MOCOS: variants seen among roughly 807,000 people sequenced by gnomAD.
The protein encoded by MOCOS is molybdenum cofactor sulfurase.
In MOCOS, 86 loss-of-function variants were observed where a neutral mutation model predicts 83.6. That is an observed-to-expected ratio of 1.03 (90% CI 0.86 to 1.23). The LOEUF (loss-of-function observed/expected upper bound fraction) is 1.23, where lower values mean the gene tolerates loss of function less well. Among genes scored for constraint, MOCOS ranks in the 50% most tolerant of loss-of-function variants. MOCOS has a pLI of 0.00. For missense variants in MOCOS, 1,120 were observed against 1,126.9 expected, an observed-to-expected ratio of 0.99 and a Z score of 0.09; for synonymous variants, 445 against 434.7, an observed-to-expected ratio of 1.02 and a Z score of -0.29.
Position 36,268,806 on chromosome 18 carries a change from G to GTGAGAGCATTCCCT in MOCOS, c.*121_*122insTGAGAGCATTCCCT. 1 of 868,872 alleles carries GTGAGAGCATTCCCT rather than the reference G, an allele frequency of 1.2e-6. No homozygotes were observed. The highest frequency in any genetic ancestry group is 1.8e-6 in the Non-Finnish European group (1 of 548,476). 53.8% of individuals were successfully genotyped at this position (868,872 alleles called of 1,614,324 possible). A position where few individuals can be genotyped will look rare whatever the true frequency, so the allele number is the denominator to read the frequency against. ...GAGAGCTCTTTTTCTTTAGAGGCAG[G>GTGAGAGCATTCCCT]GAATGCTCTCACCTGCTTCCTTCTG... On this transcript the variant is annotated 3_prime_UTR_variant, in exon 15 of 15. Transcript: ENST00000261326.
At chr18:36,237,561 A>G (rs1253940640) in intron 9 of MOCOS, among the ~76,000 whole-genome samples, 2 of 152,106 alleles carry the variant, frequency 1.3e-5, no homozygotes, top group Admixed American at 6.6e-5. Context: ...TTTTTGCATC[A>G]ATGTTCATCA....
At chr18:36,205,403 A>C in intron 6 of MOCOS, 127 bp downstream of exon 6, 1 of 928,072 alleles carries the variant, frequency 1.1e-6, no homozygotes, top group Non-Finnish European at 1.7e-6. Context: ...ATGCCTTTCC[A>C]CCTTCATTCA....
intron 9 of MOCOS, among the ~76,000 whole-genome samples, chr18:36,233,549 A>G (rs2091546604): frequency 6.6e-6 from 1 of 152,148 alleles, no homozygotes; most frequent in Admixed American, 6.5e-5. Flanking sequence ...CTGGGTAAAT[A>G]CCCAGTAGTA....
chr18:36,234,721 C>G (rs935939876), intron 9 of MOCOS, among the ~76,000 whole-genome samples: 2 of 152,098 alleles, frequency 1.3e-5, no homozygotes, highest in African/African-American at 4.8e-5. Flanking sequence ...AAAGAAATAC[C>G]TGAGACTGGG....
In MOCOS at chr18:36,203,149, C is replaced by T. The variant is rs540275885; in HGVS notation, c.978C>T (p.Ile326=). The change falls in exon 5 of 15, where the codon ATC becomes ATT. Residue 326 remains isoleucine (I), a synonymous_variant. Transcript: ENST00000261326. ...GCACCATCTCATTCCTTGATGTTAT[C>T]GCGCTAAAACATGGATTTGACACCC... ...EDGTISFLDV[I]ALKHGFDTLE... is the part of the protein sequence containing the mutation. 41 of 1,614,120 alleles carry T rather than the reference C, an allele frequency of 2.5e-5. No homozygotes were observed. The Middle Eastern group carries it at 8.2e-4, about 32-fold the overall frequency.
chr18:36,203,299 C>A, intron 5 of MOCOS, 110 bp downstream of exon 5: 2 of 999,158 alleles, frequency 2.0e-6, no homozygotes, highest in Non-Finnish European at 3.2e-6. Flanking sequence ...AAGTGACTGG[C>A]ACTCCATGTA....
At chr18:36,242,300 C>T (rs571427172) in intron 9 of MOCOS, among the ~76,000 whole-genome samples, 3 of 152,302 alleles carry the variant, frequency 2.0e-5, no homozygotes, top group African/African-American at 7.2e-5. Context: ...GCAAGGTGAC[C>T]TTTGATCCAC....
At chr18:36,233,819 C>A (rs1291789479) in intron 9 of MOCOS, among the ~76,000 whole-genome samples, 1 of 152,084 alleles carries the variant, frequency 6.6e-6, no homozygotes. Context: ...GTTTGTTGGC[C>A]ATTTGTATAT....
chr18:36,256,597 G>A (rs375486272), intron 11 of MOCOS, among the ~76,000 whole-genome samples: 616 of 152,008 alleles, frequency 4.1e-3, no homozygotes, highest in Middle Eastern at 0.014. Context: ...TTACAGGTGT[G>A]TACTACCACA....
chr18:36,233,326 A>C (rs1210715309), intron 9 of MOCOS, among the ~76,000 whole-genome samples: 1 of 152,190 alleles, frequency 6.6e-6, no homozygotes, highest in Non-Finnish European at 1.5e-5. Flanking sequence ...CTCCAACTCT[A>C]TCCAGATTGT....
intron 2 of MOCOS, among the ~76,000 whole-genome samples, chr18:36,195,646 A>G (rs2091384601): frequency 6.6e-6 from 1 of 152,226 alleles, no homozygotes; most frequent in African/African-American, 2.4e-5. Flanking sequence ...GACCCTGTAT[A>G]GTGCAGAGAG....
intron 2 of MOCOS, among the ~76,000 whole-genome samples, chr18:36,196,108 G>A (rs892646435): frequency 6.6e-5 from 10 of 152,240 alleles, no homozygotes; most frequent in African/African-American, 2.4e-4. Flanking sequence ...GGGAGGGAGG[G>A]AGAAGAAGCC....
rs547126556 is a variant in MOCOS at position 36,264,924 on chromosome 18, T to C, written c.2410-1825T>C. Among the ~76,000 whole-genome samples the C allele has an allele frequency of 2.6e-5, 4 of 152,304 alleles. No homozygotes were observed. In the South Asian group the frequency reaches 8.3e-4, roughly 32 times the overall value. ...CACACCAGAGAAAATGATCTCCTAA[T>C]GTGACGAATTTATTCAGGAGTAAGC... On this transcript the variant is annotated intron_variant, in intron 13 of 14. Transcript: ENST00000261326.
intron 12 of MOCOS, among the ~76,000 whole-genome samples, chr18:36,259,466 AG>A (rs1174666756): frequency 2.7e-5 from 4 of 150,178 alleles, no homozygotes; most frequent in African/African-American, 4.9e-5. Context: ...AAAAAAAAAA[AG>A]GTATCAGAAA....
intron 1 of MOCOS, among the ~76,000 whole-genome samples, chr18:36,191,729 C>T (rs2091366960): frequency 1.4e-5 from 2 of 143,474 alleles, no homozygotes; most frequent in Non-Finnish European, 3.0e-5. Context: ...TCACTGTGTC[C>T]AGTACACTTA....
chr18:36,209,188 T>C (rs1172309633), intron 6 of MOCOS, among the ~76,000 whole-genome samples: 5 of 152,070 alleles, frequency 3.3e-5, no homozygotes, highest in African/African-American at 1.2e-4. Flanking sequence ...TTTTTTTTTT[T>C]CTTTCTTGGA....
chr18:36,204,191 A>G (rs682665), intron 5 of MOCOS, among the ~76,000 whole-genome samples: 126,959 of 152,154 alleles, frequency 0.83, 53,344 homozygotes, highest in Middle Eastern at 0.88. Flanking sequence ...GAACTTTACC[A>G]TACCAAACAG....
At chr18:36,193,230 G>A (rs1195031175) in intron 1 of MOCOS, among the ~76,000 whole-genome samples, 3 of 144,442 alleles carry the variant, frequency 2.1e-5, no homozygotes, top group Non-Finnish European at 4.5e-5. Flanking sequence ...AGAATGGTGT[G>A]AACCCGGGAA....
Position 36,200,343 on chromosome 18 carries a change from A to T in MOCOS, c.941+19A>T. The T allele has an allele frequency of 1.2e-6, 2 of 1,613,474 alleles. No individual in the cohort carries two copies. The highest frequency in any genetic ancestry group is 1.7e-6 in the Non-Finnish European group (2 of 1,179,934). Reference sequence around the variant, plus strand: ...CTCAGAGGTAACCTTGCCACAGGGGAGGGGTCAGAGGAGTTCAGCAAGGTG... The same window carrying T: ...CTCAGAGGTAACCTTGCCACAGGGGTGGGGTCAGAGGAGTTCAGCAAGGTG... On this transcript the variant is annotated intron_variant, in intron 4 of 14. Transcript: ENST00000261326.
Sources: allele counts gnomAD v4.1 joint callset (sites outside exome capture counted in the v4.1 genomes callset), GRCh38; gene constraint gnomAD v4.1.1; transcripts MANE v1.5; gene names NCBI Gene and HGNC (gene_info 2026-07-23, HGNC 2026-07-21).